AMBRA1: variants seen among roughly 807,000 people sequenced by gnomAD.
AMBRA1 encodes autophagy and beclin 1 regulator 1.
In AMBRA1, 47 loss-of-function variants were observed where a neutral mutation model predicts 125.4. The ratio of observed to expected loss-of-function variants is 0.37; its 90% CI spans 0.30 to 0.48. AMBRA1 has a LOEUF of 0.48. AMBRA1 is among the 20% of genes least tolerant of loss of function. AMBRA1 has a pLI of 0.99. For missense variants in AMBRA1, 1,331 were observed against 1,693.4 expected, an observed-to-expected ratio of 0.79 and a Z score of 3.76; for synonymous variants, 626 against 655.5, an observed-to-expected ratio of 0.95 and a Z score of 0.69.
intron 11 of AMBRA1, among the ~76,000 whole-genome samples, chr11:46,456,696 G>C (rs192004419): frequency 6.6e-6 from 1 of 152,182 alleles, no homozygotes; most frequent in Non-Finnish European, 1.5e-5. Flanking sequence ...TCTTTGGCTC[G>C]TCAGCAGCAG....
chr11:46,441,786 T>G (rs1471950242), intron 12 of AMBRA1, among the ~76,000 whole-genome samples: 2 of 151,980 alleles, frequency 1.3e-5, no homozygotes, highest in Non-Finnish European at 2.9e-5. Context: ...GTGAAAGGAA[T>G]CTAAGGAGGT....
chr11:46,517,070 A>G (rs1951521929), intron 7 of AMBRA1, among the ~76,000 whole-genome samples: 1 of 151,690 alleles, frequency 6.6e-6, no homozygotes. Flanking sequence ...TATTTGATCC[A>G]TTGGACAGCA....
intron 14 of AMBRA1, among the ~76,000 whole-genome samples, chr11:46,421,946 C>A (rs1946866667): frequency 6.6e-6 from 1 of 152,110 alleles, no homozygotes; most frequent in Admixed American, 6.5e-5. Flanking sequence ...TGTACAGACA[C>A]CCTAAAAACA....
At chr11:46,564,709 T>C (rs1189893030) in intron 1 of AMBRA1, among the ~76,000 whole-genome samples, 1 of 152,192 alleles carries the variant, frequency 6.6e-6, no homozygotes, top group Non-Finnish European at 1.5e-5. Context: ...ACTCATGCTA[T>C]AACCTTGGAC....
chr11:46,447,240 C>CAA (rs58671092), intron 11 of AMBRA1, among the ~76,000 whole-genome samples: 23 of 135,238 alleles, frequency 1.7e-4, no homozygotes, highest in East Asian at 6.4e-4. Flanking sequence ...ACTCTTATCG[C>CAA]AAAAAAAAAA....
chr11:46,472,793 G>A (rs1309840232), intron 11 of AMBRA1, among the ~76,000 whole-genome samples: 1 of 152,110 alleles, frequency 6.6e-6, no homozygotes, highest in Non-Finnish European at 1.5e-5. Context: ...GTGGCCTTCG[G>A]AACTATGTCA....
chr11:46,512,570 A>G (rs1951304622), intron 8 of AMBRA1, among the ~76,000 whole-genome samples, 157 bp downstream of exon 8: 1 of 152,130 alleles, frequency 6.6e-6, no homozygotes, highest in Non-Finnish European at 1.5e-5. Context: ...CTTACCTGCA[A>G]TACTTCCCCA....
intron 1 of AMBRA1, among the ~76,000 whole-genome samples, chr11:46,570,612 C>T (rs957905710): frequency 1.3e-5 from 2 of 152,120 alleles, no homozygotes; most frequent in African/African-American, 4.8e-5. Flanking sequence ...CCTAGCTCAA[C>T]GTGATGTTAC....
chr11:46,573,363 C>T (rs1396506716), intron 1 of AMBRA1, among the ~76,000 whole-genome samples: 1 of 151,552 alleles, frequency 6.6e-6, no homozygotes, highest in Non-Finnish European at 1.5e-5. Context: ...GAGATCAAGC[C>T]ACTACACTCC....
At chr11:46,435,872 T>C (rs1947690369) in intron 12 of AMBRA1, among the ~76,000 whole-genome samples, 1 of 152,238 alleles carries the variant, frequency 6.6e-6, no homozygotes, top group South Asian at 2.1e-4. Context: ...GCACTGTGCC[T>C]ATAGGCCTTG....
chr11:46,494,305 G>T (rs1226758473), intron 9 of AMBRA1, 101 bp from the exon 10 acceptor site: 3 of 947,576 alleles, frequency 3.2e-6, no homozygotes, highest in Admixed American at 2.2e-5. Context: ...TTACACTTAG[G>T]AGAGGACCCC....
chr11:46,571,727 C>T (rs1348870794), intron 1 of AMBRA1, among the ~76,000 whole-genome samples: 2 of 372 alleles, frequency 5.4e-3, no homozygotes, highest in Non-Finnish European at 0.014. Flanking sequence ...GTCCCTCTGT[C>T]GCCCCAGGCT....
chr11:46,420,678 C>T (rs1354977797), intron 14 of AMBRA1, among the ~76,000 whole-genome samples: 2 of 152,160 alleles, frequency 1.3e-5, no homozygotes, highest in East Asian at 1.9e-4. Flanking sequence ...AGTTTTCCTT[C>T]TCCAAAGGTC....
At chr11:46,420,889 A>G (rs956950614) in intron 14 of AMBRA1, among the ~76,000 whole-genome samples, 2 of 152,218 alleles carry the variant, frequency 1.3e-5, no homozygotes, top group Non-Finnish European at 1.5e-5. Context: ...CGAGGAGAAT[A>G]ATAAGACTTT....
intron 11 of AMBRA1, among the ~76,000 whole-genome samples, chr11:46,447,413 T>C (rs1948346188): frequency 6.6e-6 from 1 of 152,140 alleles, no homozygotes; most frequent in Non-Finnish European, 1.5e-5. Context: ...TGTGTGCCTG[T>C]AGTCTCAGTT....
At chr11:46,426,443 A>T (rs754893789) in intron 14 of AMBRA1, among the ~76,000 whole-genome samples, 1 of 152,212 alleles carries the variant, frequency 6.6e-6, no homozygotes, top group African/African-American at 2.4e-5. Context: ...CAGGGGCTCA[A>T]TAAAGTTTTT....
chr11:46,566,246 CGT>C (rs2043527655), intron 1 of AMBRA1, among the ~76,000 whole-genome samples: 1 of 151,996 alleles, frequency 6.6e-6, no homozygotes, highest in Non-Finnish European at 1.5e-5. Flanking sequence ...CGGTGAAACC[CGT>C]CTCTACTAAA....
At position 46,505,944 on chromosome 11, in the gene AMBRA1, C is replaced by A. The variant is rs1339202381; in HGVS notation, c.2339+2247G>T. ...CTCCCAGGCGTGCATGGAAAGAGGG[C>A]TAGGCAATCCACAACACTGACTCCC... On this transcript the variant is annotated intron_variant, in intron 9 of 17. Coordinates refer to ENST00000683756, the MANE Select transcript of AMBRA1 (RefSeq NM_001387011.1). Among the ~76,000 whole-genome samples, 5 of 152,166 alleles carry A rather than the reference C, an allele frequency of 3.3e-5. No homozygotes were observed. The East Asian group carries it at 7.7e-4, about 23-fold the overall frequency.
intron 15 of AMBRA1, among the ~76,000 whole-genome samples, chr11:46,411,100 AAAAAAAAAAAAAAAG>A (rs780100073): frequency 6.1e-4 from 65 of 106,678 alleles, no homozygotes; most frequent in East Asian, 1.4e-3. Context: ...ACTCTGTCTC[AAAAAAAAAAAAAAAG>A]AAAAAAAAAA....
Sources: allele counts gnomAD v4.1 joint callset (sites outside exome capture counted in the v4.1 genomes callset), GRCh38; gene constraint gnomAD v4.1.1; transcripts MANE v1.5; gene names NCBI Gene and HGNC (gene_info 2026-07-23, HGNC 2026-07-21).